The following TARBP1 variants were observed in gnomAD, a reference collection of about 807,000 sequenced individuals.
The protein encoded by TARBP1 is tRNA guanosine 2 -O-methyltransferase TARBP1.
Under a neutral mutation model 178.6 loss-of-function variants are expected in TARBP1, and 144 were observed. The observed-to-expected ratio is 0.81, with a 90% CI of 0.70 to 0.93. The LOEUF is 0.93. Among genes scored for constraint, TARBP1 ranks in the 40% least tolerant of loss-of-function variants. The probability of loss-of-function intolerance (pLI) is 0.00; values close to 1 mark genes in which losing one functional copy is unlikely to be tolerated. For missense variants in TARBP1, 2,067 were observed against 2,011.7 expected (o/e 1.03, Z -0.53); for synonymous variants, 787 against 781.0 (o/e 1.01, Z -0.13).
intron 4 of TARBP1, among the ~76,000 whole-genome samples, chr1:234,466,148 G>A (rs1363552039): frequency 6.6e-6 from 1 of 152,168 alleles, no homozygotes; most frequent in Non-Finnish European, 1.5e-5. Flanking sequence ...CTTACATGAA[G>A]TGCAGAAATA....
chr1:234,414,478 C>T (rs1308114056), intron 22 of TARBP1, among the ~76,000 whole-genome samples: 3 of 152,108 alleles, frequency 2.0e-5, no homozygotes, highest in Non-Finnish European at 4.4e-5. Context: ...GGAAAGGACA[C>T]AGAAAAGAGG....
intron 6 of TARBP1, among the ~76,000 whole-genome samples, chr1:234,463,173 G>C (rs1269093683): frequency 6.6e-6 from 1 of 152,184 alleles, no homozygotes; most frequent in South Asian, 2.1e-4. Flanking sequence ...ACCCAGGCTA[G>C]AGTATAGTGG....
chr1:234,433,911 T>A (rs2103146459), intron 13 of TARBP1, among the ~76,000 whole-genome samples: 1 of 152,346 alleles, frequency 6.6e-6, no homozygotes, highest in African/African-American at 2.4e-5. Context: ...ATAATGATAA[T>A]GGTTATAGCA....
chr1:234,446,970 T>A lies in TARBP1; in HGVS notation c.1967A>T (p.Lys656Met), dbSNP rs749702222. Residue 656 changes from lysine (K) to methionine (M), a missense_variant, in exon 12 of 30, where the codon AAG becomes ATG. Lys to Met is a moderately conservative substitution (Grantham distance 95). Coordinates refer to ENST00000040877, the MANE Select transcript of TARBP1 (RefSeq NM_005646.4). ...CCGCAATACATTCTCTGTTCTCTGC[T>A]TTCCGCTAGACATTAAAAGACATGC... ...VEGMKTQYSG[K>M]QRTENVLRIF... is the part of the protein sequence containing the mutation. 7.4e-6 allele frequency: 12 copies of A among 1,612,694 alleles called. No individual in the cohort carries two copies. The South Asian group carries it at 1.3e-4, about 18-fold the overall frequency.
chr1:234,459,042 A>G (rs1667574793), intron 8 of TARBP1, among the ~76,000 whole-genome samples, 188 bp downstream of exon 8: 1 of 152,220 alleles, frequency 6.6e-6, no homozygotes, highest in South Asian at 2.1e-4. Context: ...CCAAAATCCA[A>G]GGTCCCAGTG....
chr1:234,420,421 C>T (rs1279839297), intron 21 of TARBP1, among the ~76,000 whole-genome samples: 3 of 151,916 alleles, frequency 2.0e-5, no homozygotes, highest in South Asian at 4.2e-4. Context: ...AATGGCAAAT[C>T]AGACTTTAAA....
At chr1:234,459,360 T>C (rs754118384) in intron 7 of TARBP1, 34 bp from the exon 8 acceptor site, 5 of 1,489,762 alleles carry the variant, frequency 3.4e-6, no homozygotes, top group Non-Finnish European at 4.6e-6. Context: ...CAGTTCCGTA[T>C]TCCCAAAGAC....
chr1:234,433,647 GAGA>G (rs1262045840), intron 13 of TARBP1, 76 bp from the exon 14 acceptor site: 29 of 1,424,628 alleles, frequency 2.0e-5, no homozygotes, highest in Non-Finnish European at 2.3e-5. Flanking sequence ...CTTCAGGCAG[GAGA>G]AGTTTACTTA....
rs1191726018 is a variant in TARBP1, at chr1:234,472,821, T to C, written c.932-10A>G. 1.3e-6 allele frequency: 2 copies of C among 1,577,720 alleles called. No individual in the cohort carries two copies. The highest frequency in any genetic ancestry group is 8.6e-7 in the Non-Finnish European group (1 of 1,167,480). On this transcript the variant is annotated splice_polypyrimidine_tract_variant and intron_variant, in intron 1 of 29. Transcript: ENST00000040877. ...CAAAACAGACTTGGGCCTGATATGG[T>C]TTAAAAAAGAAAATTAGTTCTTCCT... is the stretch of plus-strand genomic sequence containing the variant.
chr1:234,446,532 A>G (rs1287528022), intron 12 of TARBP1, among the ~76,000 whole-genome samples: 3 of 151,910 alleles, frequency 2.0e-5, no homozygotes, highest in Non-Finnish European at 2.9e-5. Context: ...AGTAACCAAC[A>G]CACGGAAACC....
At chr1:234,443,948 G>T (rs900369915) in intron 12 of TARBP1, among the ~76,000 whole-genome samples, 1 of 152,152 alleles carries the variant, frequency 6.6e-6, no homozygotes, top group Non-Finnish European at 1.5e-5. Flanking sequence ...TGATTGCCAG[G>T]GCCTGGGGAA....
intron 12 of TARBP1, among the ~76,000 whole-genome samples, chr1:234,441,025 A>T (rs1358769911): frequency 1.3e-5 from 2 of 152,246 alleles, no homozygotes; most frequent in African/African-American, 4.8e-5. Flanking sequence ...CTCTACTAAA[A>T]ATACAAAGAT....
intron 4 of TARBP1, among the ~76,000 whole-genome samples, chr1:234,466,381 G>A (rs764070189): frequency 2.6e-5 from 4 of 151,882 alleles, no homozygotes; most frequent in Non-Finnish European, 5.9e-5. Context: ...GCATGGTGGC[G>A]TGCACCTGTA....
rs1660383579 is a variant in TARBP1 at position 234,398,623 on chromosome 1, T to C, written c.4072-70A>G. 1.0e-5 allele frequency: 12 copies of C among 1,157,978 alleles called. No homozygotes were observed. The South Asian group carries it at 2.2e-4, about 21-fold the overall frequency. The allele number at this position is 1,157,978 out of a possible 1,614,324, so 71.7% of individuals were successfully genotyped here. A position where few individuals can be genotyped will look rare whatever the true frequency, so the allele number is the denominator to read the frequency against. ...ACAAAGAAATATATAACATTTAAAA[T>C]ACAACTTAATTATTAATGATATATT... is the stretch of plus-strand genomic sequence containing the variant. On this transcript the variant is annotated intron_variant, in intron 25 of 29. Coordinates refer to ENST00000040877, the MANE Select transcript of TARBP1 (RefSeq NM_005646.4).
intron 5 of TARBP1, among the ~76,000 whole-genome samples, chr1:234,464,286 T>C (rs1668206050): frequency 6.6e-6 from 1 of 152,218 alleles, no homozygotes; most frequent in South Asian, 2.1e-4. Flanking sequence ...CAACATGTAA[T>C]CCAATGACTT....
Position 234,471,195 on chromosome 1 carries a change from C to T in TARBP1, c.1092G>A (p.Glu364=). 1 of 1,594,384 alleles carries T rather than the reference C, an allele frequency of 6.3e-7. No homozygotes were observed. Among genetic ancestry groups the T allele is most frequent in the South Asian group, 1.2e-5 (1 of 86,124 alleles). The change falls in exon 3 of 30, where the codon GAG becomes GAA. Residue 364 remains glutamate, a synonymous_variant. Coordinates refer to ENST00000040877, the MANE Select transcript of TARBP1 (RefSeq NM_005646.4). ...AATAAAAGTAATCGTTACCATTTTCCTCTGACACCGCATATTCAAACAGAT... is the reference window on the plus strand; with the variant it reads ...AATAAAAGTAATCGTTACCATTTTCTTCTGACACCGCATATTCAAACAGAT... ...LNNLFEYAVS[E]ENGCWLFHPS... is the part of the protein sequence containing the mutation.
intron 4 of TARBP1, among the ~76,000 whole-genome samples, chr1:234,466,830 T>C (rs1223663089): frequency 6.6e-6 from 1 of 151,662 alleles, no homozygotes; most frequent in East Asian, 1.9e-4. Flanking sequence ...GCCACTGCAC[T>C]CCAGCCTGGG....
chr1:234,435,287 TAAAAATAC>T (rs1365234513), intron 13 of TARBP1, among the ~76,000 whole-genome samples: 1 of 151,914 alleles, frequency 6.6e-6, no homozygotes, highest in Non-Finnish European at 1.5e-5. Context: ...CCGTCTCTAC[TAAAAATAC>T]AAAAATACAA....
intron 1 of TARBP1, among the ~76,000 whole-genome samples, chr1:234,475,572 G>A (rs1669495375): frequency 6.6e-6 from 1 of 152,242 alleles, no homozygotes; most frequent in Non-Finnish European, 1.5e-5. Context: ...GTTAGGGCCA[G>A]GAACCTAAAC....
Sources: gnomAD v4.1 joint callset for allele counts (sites outside exome capture counted in the v4.1 genomes callset) on GRCh38, gnomAD v4.1.1 for gene constraint, MANE v1.5 for transcripts, NCBI Gene and HGNC (gene_info 2026-07-23, HGNC 2026-07-21) for gene names.